SNTG2: variants seen among roughly 807,000 people sequenced by gnomAD.
SNTG2 encodes gamma-2-syntrophin.
A neutral mutation model predicts 70.9 loss-of-function variants in SNTG2; 74 were observed. The observed-to-expected ratio is 1.04, with a 90% CI of 0.86 to 1.27. The LOEUF (loss-of-function observed/expected upper bound fraction) is 1.27. SNTG2 is among the 50% of genes most tolerant of loss of function. The pLI is 0.00. For synonymous variants in SNTG2, 278 were observed against 273.8 expected (o/e 1.02, Z -0.15); for missense variants, 717 against 690.7 (o/e 1.04, Z -0.43).
intron 9 of SNTG2, among the ~76,000 whole-genome samples, chr2:1,230,615 C>T (rs751699977): frequency 2.4e-4 from 36 of 152,194 alleles, no homozygotes; most frequent in Non-Finnish European, 4.3e-4. Flanking sequence ...CTGGAGTAAA[C>T]GCAGATAACC....
At chr2:953,481 G>T (rs1660045524) in intron 1 of SNTG2, among the ~76,000 whole-genome samples, 1 of 152,244 alleles carries the variant, frequency 6.6e-6, no homozygotes, top group South Asian at 2.1e-4. Context: ...TGTGGGGTAA[G>T]GGCACCACCT....
At chr2:971,137 A>G (rs533356295) in intron 1 of SNTG2, among the ~76,000 whole-genome samples, 1 of 152,314 alleles carries the variant, frequency 6.6e-6, no homozygotes, top group Admixed American at 6.5e-5. Flanking sequence ...TGGTATTGGA[A>G]TGATGCTGGC....
At chr2:1,227,660 C>G (rs1675885139) in intron 9 of SNTG2, among the ~76,000 whole-genome samples, 2 of 152,238 alleles carry the variant, frequency 1.3e-5, no homozygotes, top group Non-Finnish European at 2.9e-5. Context: ...GAGCTTGGGT[C>G]TCCACCAAAG....
At chr2:1,127,641 GT>G (rs1329471016) in intron 4 of SNTG2, among the ~76,000 whole-genome samples, 1 of 151,892 alleles carries the variant, frequency 6.6e-6, no homozygotes, top group African/African-American at 2.4e-5. Context: ...GTGTTTCATA[GT>G]TTTCCTTGTA....
intron 4 of SNTG2, among the ~76,000 whole-genome samples, chr2:1,099,207 G>A (rs1031319871): frequency 6.6e-6 from 1 of 152,114 alleles, no homozygotes; most frequent in African/African-American, 2.4e-5. Flanking sequence ...CCAGAGCAAG[G>A]GGCACCTGGA....
intron 8 of SNTG2, among the ~76,000 whole-genome samples, chr2:1,177,593 T>G (rs1160833039): frequency 6.6e-6 from 1 of 151,672 alleles, no homozygotes; most frequent in Non-Finnish European, 1.5e-5. Flanking sequence ...CTAGAGGAAA[T>G]GAAATGACAC....
intron 1 of SNTG2, among the ~76,000 whole-genome samples, chr2:1,001,699 A>G (rs939770470): frequency 6.6e-5 from 10 of 152,078 alleles, no homozygotes; most frequent in African/African-American, 2.4e-4. Flanking sequence ...ACCCAAAGCA[A>G]TCTAGAGATT....
chr2:1,104,969 C>T (rs1320142697), intron 4 of SNTG2, among the ~76,000 whole-genome samples: 3 of 152,296 alleles, frequency 2.0e-5, no homozygotes, highest in South Asian at 2.1e-4. Context: ...GAAGAAGCAC[C>T]GTGGTTCCAT....
At chr2:1,030,679 A>G (rs1660765039) in intron 1 of SNTG2, among the ~76,000 whole-genome samples, 2 of 152,336 alleles carry the variant, frequency 1.3e-5, no homozygotes, top group South Asian at 2.1e-4. Context: ...CCATCTTCTC[A>G]AAAATCTACA....
chr2:1,077,808 C>T (rs2148154904), intron 1 of SNTG2, among the ~76,000 whole-genome samples: 1 of 152,248 alleles, frequency 6.6e-6, no homozygotes, highest in South Asian at 2.1e-4. Flanking sequence ...CCCATGTTTA[C>T]AGTTATCAAA....
chr2:1,285,205 G>T (rs1679718272), intron 14 of SNTG2, among the ~76,000 whole-genome samples: 1 of 152,080 alleles, frequency 6.6e-6, no homozygotes, highest in South Asian at 2.1e-4. Flanking sequence ...GCTGGCAGCT[G>T]ATTAGATGGT....
rs1037141457 is a variant in SNTG2 at position 1,045,416 on chromosome 2, T to C, written c.73-38102T>C. ...AGCTCTGATTTTGCTTCTTTTTTCC[T>C]GCTAGCTTTGGGGCTTGTTTGCTCT... On this transcript the variant is annotated intron_variant, in intron 1 of 16. Coordinates refer to ENST00000308624, the MANE Select transcript of SNTG2 (RefSeq NM_018968.4). Among the ~76,000 whole-genome samples, 3 of 152,116 alleles carry C rather than the reference T, an allele frequency of 2.0e-5. No individual in the cohort carries two copies. The South Asian group carries it at 6.2e-4, about 31-fold the overall frequency.
At chr2:982,471 ACT>A in intron 1 of SNTG2, among the ~76,000 whole-genome samples, 1 of 151,904 alleles carries the variant, frequency 6.6e-6, no homozygotes, top group East Asian at 1.9e-4. Flanking sequence ...AACACCGGAG[ACT>A]CTGCAGGTTG....
At chr2:1,183,949 G>T (rs1274733573) in intron 8 of SNTG2, among the ~76,000 whole-genome samples, 1 of 152,238 alleles carries the variant, frequency 6.6e-6, no homozygotes, top group East Asian at 1.9e-4. Context: ...CTGTTAGGAA[G>T]GGCTGTCAAA....
intron 9 of SNTG2, among the ~76,000 whole-genome samples, chr2:1,221,230 G>C (rs57230519): frequency 2.2e-5 from 3 of 136,446 alleles, no homozygotes; most frequent in African/African-American, 7.8e-5. Context: ...CTCTGAGTCT[G>C]TCTCTGCCTC....
intron 1 of SNTG2, among the ~76,000 whole-genome samples, chr2:1,033,411 C>T (rs1207976097): frequency 6.6e-6 from 1 of 152,188 alleles, no homozygotes; most frequent in Non-Finnish European, 1.5e-5. Flanking sequence ...AGAAACTCCA[C>T]AAATGCCTGT....
chr2:1,142,388 A>G (rs1668814817), intron 6 of SNTG2, among the ~76,000 whole-genome samples: 1 of 152,182 alleles, frequency 6.6e-6, no homozygotes, highest in African/African-American at 2.4e-5. Context: ...ATCCCTTTGG[A>G]TTCCAGGAGC....
At chr2:1,214,245 C>T (rs1674230467) in intron 9 of SNTG2, among the ~76,000 whole-genome samples, 1 of 152,040 alleles carries the variant, frequency 6.6e-6, no homozygotes, top group South Asian at 2.1e-4. Flanking sequence ...TTTTATGGTT[C>T]CATATACATT....
At chr2:1,268,015 G>A (rs1025151550) in intron 14 of SNTG2, among the ~76,000 whole-genome samples, 11 of 152,192 alleles carry the variant, frequency 7.2e-5, no homozygotes, top group Admixed American at 2.0e-4. Flanking sequence ...TTGATGGTCC[G>A]AAGGAGAATA....
Sources: gnomAD v4.1 joint callset for allele counts (sites outside exome capture counted in the v4.1 genomes callset) on GRCh38, gnomAD v4.1.1 for gene constraint, MANE v1.5 for transcripts, NCBI Gene and HGNC (gene_info 2026-07-23, HGNC 2026-07-21) for gene names.